MAP3K5: variants seen among roughly 807,000 people sequenced by gnomAD.
The protein encoded by MAP3K5 is ASK-1.
MAP3K5 carries 56 observed loss-of-function variants against 158.7 expected under a neutral mutation model. The ratio of observed to expected loss-of-function variants is 0.35; its 90% confidence interval spans 0.28 to 0.44. MAP3K5 has a LOEUF of 0.44. Ranked by LOEUF, MAP3K5 falls within the 20% of genes least tolerant of loss-of-function variation. The pLI is 1.00. For missense variants in MAP3K5, 1,294 were observed against 1,674.8 expected, an observed-to-expected ratio of 0.77 and a Z score of 3.97; for synonymous variants, 579 against 601.7, an observed-to-expected ratio of 0.96 and a Z score of 0.55.
chr6:136,715,476 T>C (rs1161570779), intron 2 of MAP3K5, among the ~76,000 whole-genome samples: 1 of 152,222 alleles, frequency 6.6e-6, no homozygotes, highest in Non-Finnish European at 1.5e-5. Flanking sequence ...ACTCTCATCT[T>C]CCCTTCCCAA....
chr6:136,750,357 C>T (rs564200260), intron 1 of MAP3K5, among the ~76,000 whole-genome samples: 84 of 152,284 alleles, frequency 5.5e-4, no homozygotes, highest in African/African-American at 1.8e-3. Context: ...GGATTACAAG[C>T]GTGAGCCACC....
chr6:136,792,824 C>T (rs1305547877), upstream of MAP3K5, among the ~76,000 whole-genome samples: 1 of 152,226 alleles, frequency 6.6e-6, no homozygotes, highest in East Asian at 1.9e-4. This position sits in a 1 kb window ranked among gnomAD's most constrained non-coding sequence, Gnocchi z 5.7. Context: ...CCTCGTCGTT[C>T]CTTGCAGACG....
At chr6:136,784,978 C>T (rs1175409880) in intron 1 of MAP3K5, among the ~76,000 whole-genome samples, 7 of 152,160 alleles carry the variant, frequency 4.6e-5, no homozygotes, top group Admixed American at 2.6e-4. Flanking sequence ...TGTTGGCAAA[C>T]ACATGTCAGT....
At chr6:136,677,219 G>A (rs1217573176) in intron 7 of MAP3K5, among the ~76,000 whole-genome samples, 1 of 133,964 alleles carries the variant, frequency 7.5e-6, no homozygotes, top group African/African-American at 2.9e-5. Flanking sequence ...CTCACTGCAA[G>A]CTCTGCCTCC....
At chr6:136,674,565 A>T (rs1779622934) in intron 7 of MAP3K5, among the ~76,000 whole-genome samples, 1 of 152,056 alleles carries the variant, frequency 6.6e-6, no homozygotes, top group African/African-American at 2.4e-5. Context: ...CCAATAAAAA[A>T]TAAATAAGAC....
intron 18 of MAP3K5, among the ~76,000 whole-genome samples, chr6:136,605,633 G>A (rs887470551): frequency 5.9e-5 from 9 of 152,186 alleles, no homozygotes. Flanking sequence ...CTAGACAGTG[G>A]AGTATAAGTG....
intron 16 of MAP3K5, 35 bp downstream of exon 16, chr6:136,614,124 C>T (rs754128048): frequency 1.2e-6 from 2 of 1,605,222 alleles, no homozygotes; most frequent in East Asian, 2.2e-5. Flanking sequence ...AAGCTCTAAA[C>T]ATTCACACTT....
At chr6:136,654,203 A>G (rs1778643696) in intron 10 of MAP3K5, among the ~76,000 whole-genome samples, 2 of 152,372 alleles carry the variant, frequency 1.3e-5, no homozygotes, top group Middle Eastern at 3.4e-3. Flanking sequence ...GATCCCTTAC[A>G]CAATCCTATC....
At chr6:136,640,427 T>C (rs539735828) in intron 12 of MAP3K5, among the ~76,000 whole-genome samples, 1 of 152,342 alleles carries the variant, frequency 6.6e-6, no homozygotes, top group South Asian at 2.1e-4. Flanking sequence ...TGTGCCTTTG[T>C]GCCTGCTGGT....
At chr6:136,720,954 A>T (rs1781722855) in intron 1 of MAP3K5, among the ~76,000 whole-genome samples, 1 of 152,046 alleles carries the variant, frequency 6.6e-6, no homozygotes, top group Admixed American at 6.5e-5. Flanking sequence ...TAATTAAAAA[A>T]TTTTTTTAGA....
chr6:136,753,280 C>CT (rs892662497), intron 1 of MAP3K5, among the ~76,000 whole-genome samples: 21 of 151,906 alleles, frequency 1.4e-4, no homozygotes, highest in Non-Finnish European at 2.1e-4. Context: ...GCCTTTACTG[C>CT]TTTTTTTTCA....
intron 1 of MAP3K5, among the ~76,000 whole-genome samples, chr6:136,759,553 C>G (rs1407586095): frequency 1.3e-5 from 2 of 148,756 alleles, no homozygotes; most frequent in African/African-American, 4.9e-5. Context: ...TCACTGCAAC[C>G]TCTACATCCT....
At position 136,730,492 on chromosome 6, in the gene MAP3K5, C is replaced by T. The variant is rs146719214; in HGVS notation, c.449-9903G>A. ...ATCCCAGCACTCTGGCAGGCAGAGG[C>T]GGGTAGATCACGAGGTCAGGAGATC... is the stretch of plus-strand genomic sequence containing the variant. On this transcript the variant is annotated intron_variant, in intron 1 of 29. Coordinates refer to ENST00000359015, the MANE Select transcript of MAP3K5 (RefSeq NM_005923.4). Among the ~76,000 whole-genome samples the T allele has an allele frequency of 9.3e-3, 1,406 of 151,930 alleles. 14 individuals carry two copies. Among genetic ancestry groups the T allele is most frequent in the African/African-American group, 0.033 (1,354 of 41,434 alleles).
At chr6:136,712,425 C>G (rs1485698933) in intron 2 of MAP3K5, among the ~76,000 whole-genome samples, 1 of 152,112 alleles carries the variant, frequency 6.6e-6, no homozygotes, top group Admixed American at 6.6e-5. Context: ...CCACCTGCCT[C>G]AGCCTCCCAA....
chr6:136,592,857 A>C, intron 21 of MAP3K5: 6 of 556,448 alleles, frequency 1.1e-5, no homozygotes, highest in Non-Finnish European at 1.7e-5. Flanking sequence ...GGGGTACCAA[A>C]ACAGTCAAGG....
intron 26 of MAP3K5, among the ~76,000 whole-genome samples, chr6:136,564,717 T>C (rs1244444630): frequency 6.6e-6 from 1 of 152,236 alleles, no homozygotes; most frequent in Non-Finnish European, 1.5e-5. Flanking sequence ...GAATGAAATA[T>C]GGCCTGAGAA....
intron 1 of MAP3K5, among the ~76,000 whole-genome samples, chr6:136,783,270 T>C (rs1784694749): frequency 9.1e-6 from 1 of 110,340 alleles, no homozygotes; most frequent in South Asian, 2.9e-4. Flanking sequence ...CAGAGCAAGA[T>C]CTTCTTAAAA....
intron 7 of MAP3K5, among the ~76,000 whole-genome samples, chr6:136,688,909 A>T (rs554715067): frequency 6.6e-6 from 1 of 152,262 alleles, no homozygotes; most frequent in South Asian, 2.1e-4. Flanking sequence ...TCTGATTCTA[A>T]ATCTCCCACA....
chr6:136,576,420 T>C (rs1774619790), intron 25 of MAP3K5, among the ~76,000 whole-genome samples: 1 of 152,146 alleles, frequency 6.6e-6, no homozygotes, highest in African/African-American at 2.4e-5. Context: ...CAAGCAATCC[T>C]CCCACCTCAG....
Sources: gnomAD v4.1 joint callset for allele counts (sites outside exome capture counted in the v4.1 genomes callset) on GRCh38, gnomAD v4.1.1 for gene constraint, Gnocchi (gnomAD v3.1) non-coding constraint, MANE v1.5 for transcripts, NCBI Gene and HGNC (gene_info 2026-07-23, HGNC 2026-07-21) for gene names.